Variants in KIAA2012 observed in about 807,000 individuals in gnomAD.
KIAA2012 encodes the protein uncharacterized protein KIAA2012.
A neutral mutation model predicts 150.6 loss-of-function variants in KIAA2012; 125 were observed. The observed-to-expected ratio is 0.83, with a 90% CI of 0.72 to 0.96. KIAA2012 has a LOEUF of 0.96. KIAA2012 is among the 40% of genes least tolerant of loss of function. The pLI is 0.00. For missense variants in KIAA2012, 1,219 were observed against 1,354.9 expected, an observed-to-expected ratio of 0.90 and a Z score of 1.57; for synonymous variants, 462 against 504.7, an observed-to-expected ratio of 0.92 and a Z score of 1.13.
chr2:202,190,143 T>A, intron 18 of KIAA2012, 31 bp from the exon 19 acceptor site: 3 of 1,474,960 alleles, frequency 2.0e-6, no homozygotes, highest in Non-Finnish European at 1.8e-6. Flanking sequence ...TTAACTCAGC[T>A]ATATCTCTAT....
intron 4 of KIAA2012, among the ~76,000 whole-genome samples, chr2:202,094,802 A>G (rs1222533491): frequency 6.6e-6 from 1 of 152,194 alleles, no homozygotes; most frequent in Non-Finnish European, 1.5e-5. Context: ...TACAGGCATG[A>G]GTCACCGCTC....
intron 23 of KIAA2012, among the ~76,000 whole-genome samples, chr2:202,204,069 GTTTTTTGTTT>G (rs1300427404): frequency 2.4e-5 from 2 of 82,042 alleles, no homozygotes; most frequent in Non-Finnish European, 5.0e-5. Flanking sequence ...GCACCCAGCG[GTTTTTTGTTT>G]TTTTTTTTTT....
intron 13 of KIAA2012, among the ~76,000 whole-genome samples, chr2:202,144,968 G>A (rs1315696617): frequency 6.6e-6 from 1 of 152,170 alleles, no homozygotes; most frequent in Non-Finnish European, 1.5e-5. Context: ...CAATCTCTGG[G>A]CATTTCCTGC....
intron 6 of KIAA2012, among the ~76,000 whole-genome samples, 198 bp from the exon 7 acceptor site, chr2:202,100,109 T>C (rs899595511): frequency 6.6e-6 from 1 of 152,188 alleles, no homozygotes; most frequent in African/African-American, 2.4e-5. Flanking sequence ...AATTACCCCA[T>C]AAGGCTATTG....
intron 13 of KIAA2012, among the ~76,000 whole-genome samples, chr2:202,146,092 A>T (rs1691288800): frequency 6.6e-6 from 1 of 152,186 alleles, no homozygotes; most frequent in Admixed American, 6.5e-5. Flanking sequence ...TGGTACAGTT[A>T]TTATCCCTGT....
chr2:202,076,969 A>T (rs760752278), intron 2 of KIAA2012: 17 of 456,690 alleles, frequency 3.7e-5, no homozygotes, highest in Non-Finnish European at 7.0e-5. Flanking sequence ...AAGAGATTGG[A>T]GAGGGAGAAG....
chr2:202,087,455 G>C (rs1054441929), intron 2 of KIAA2012, among the ~76,000 whole-genome samples: 1 of 128,016 alleles, frequency 7.8e-6, no homozygotes, highest in Non-Finnish European at 1.6e-5. Flanking sequence ...AGAGATTGTA[G>C]TGAACCAAGT....
intron 13 of KIAA2012, among the ~76,000 whole-genome samples, chr2:202,142,999 A>T (rs1575033432): frequency 6.6e-6 from 1 of 150,508 alleles, no homozygotes; most frequent in African/African-American, 2.4e-5. Flanking sequence ...CAGTTGTGAC[A>T]ATCAAAAATG....
chr2:202,106,062 A>G (rs553595090), intron 9 of KIAA2012, 152 bp downstream of exon 9: 2 of 1,527,450 alleles, frequency 1.3e-6, no homozygotes, highest in East Asian at 4.9e-5. Context: ...TGCAGGCAGC[A>G]GCTGCCTTCA....
At chr2:202,136,182 A>G in intron 12 of KIAA2012, 1 of 201,778 alleles carries the variant, frequency 5.0e-6, no homozygotes, top group Admixed American at 5.4e-5. Flanking sequence ...TTCAGGAGTG[A>G]AGCTGCAGAC....
At chr2:202,124,689 A>G (rs1174651721) in intron 11 of KIAA2012, among the ~76,000 whole-genome samples, 2 of 152,212 alleles carry the variant, frequency 1.3e-5, no homozygotes, top group East Asian at 3.8e-4. Flanking sequence ...ACCTTTAAAC[A>G]TCTTAGATAA....
chr2:202,109,959 C>T (rs574399373), intron 10 of KIAA2012, among the ~76,000 whole-genome samples, 170 bp downstream of exon 10: 2 of 152,334 alleles, frequency 1.3e-5, no homozygotes, highest in South Asian at 2.1e-4. Context: ...ATGCATATTT[C>T]TAAAGGGTCA....
chr2:202,173,344 C>T (rs1439019953), intron 15 of KIAA2012, among the ~76,000 whole-genome samples: 1 of 152,138 alleles, frequency 6.6e-6, no homozygotes, highest in African/African-American at 2.4e-5. Flanking sequence ...CCAAGGCGAG[C>T]GGATCACCTG....
intron 2 of KIAA2012, among the ~76,000 whole-genome samples, chr2:202,089,436 C>T (rs1048959428): frequency 6.6e-6 from 1 of 152,128 alleles, no homozygotes; most frequent in South Asian, 2.1e-4. Context: ...TGATCTGGTC[C>T]TTTGATGAGA....
At chr2:202,198,462 C>T (rs1692452510) in intron 22 of KIAA2012, among the ~76,000 whole-genome samples, 1 of 152,150 alleles carries the variant, frequency 6.6e-6, no homozygotes, top group African/African-American at 2.4e-5. Flanking sequence ...GATGTGGCCC[C>T]AAGACCAGAT....
intron 14 of KIAA2012, among the ~76,000 whole-genome samples, chr2:202,155,399 T>C (rs1691505948): frequency 6.6e-6 from 1 of 152,200 alleles, no homozygotes; most frequent in Non-Finnish European, 1.5e-5. Context: ...GCCCGACACA[T>C]GGAAGGTGCT....
chr2:202,145,214 C>A (rs1295806891), intron 13 of KIAA2012, among the ~76,000 whole-genome samples: 1 of 152,208 alleles, frequency 6.6e-6, no homozygotes, highest in Non-Finnish European at 1.5e-5. Context: ...TTTTCCAAGA[C>A]ACTGCCAACG....
chr2:202,145,549 GTAGT>G (rs1425294466), intron 13 of KIAA2012, among the ~76,000 whole-genome samples: 3 of 151,988 alleles, frequency 2.0e-5, no homozygotes, highest in African/African-American at 7.2e-5. Flanking sequence ...TAATATCTGC[GTAGT>G]TAATTTTTTT....
chr2:202,078,657 C>CT (rs1162749735), intron 2 of KIAA2012, among the ~76,000 whole-genome samples: 1 of 152,172 alleles, frequency 6.6e-6, no homozygotes, highest in African/African-American at 2.4e-5. Context: ...TGTTCATTAA[C>CT]TTTTTTTGAG....
Sources: allele counts gnomAD v4.1 joint callset (sites outside exome capture counted in the v4.1 genomes callset), GRCh38; gene constraint gnomAD v4.1.1; transcripts MANE v1.5; gene names NCBI Gene and HGNC (gene_info 2026-07-23, HGNC 2026-07-21).